PPARGC1A: variants seen among roughly 807,000 people sequenced by gnomAD.
The protein encoded by PPARGC1A is PPARG coactivator 1 alpha.
Under a neutral mutation model 88.7 loss-of-function variants are expected in PPARGC1A, and 25 were observed. The observed-to-expected ratio is 0.28, with a 90% CI of 0.21 to 0.39. PPARGC1A has a LOEUF of 0.39. PPARGC1A is among the 10% of genes least tolerant of loss of function. The pLI, the probability that PPARGC1A is intolerant of heterozygous loss-of-function variation, is 1.00. For synonymous variants in PPARGC1A, 363 were observed against 355.6 expected (o/e 1.02, Z -0.24); for missense variants, 880 against 968.7 (o/e 0.91, Z 1.22).
the PPARGC1A span, among the ~76,000 whole-genome samples, chr4:24,265,193 T>C: frequency 6.6e-6 from 1 of 152,224 alleles, no homozygotes; most frequent in Non-Finnish European, 1.5e-5. Context: ...TTGGTTCTGA[T>C]GTGGTCTAGT....
intron 4 of PPARGC1A, among the ~76,000 whole-genome samples, 179 bp downstream of exon 4, chr4:23,829,284 C>T: frequency 6.6e-6 from 1 of 152,208 alleles, no homozygotes; most frequent in East Asian, 1.9e-4. Flanking sequence ...TAAATGAACT[C>T]TGCCTAGTTT....
chr4:24,081,733 T>C, the PPARGC1A span, among the ~76,000 whole-genome samples: 6 of 151,108 alleles, frequency 4.0e-5, no homozygotes, highest in Non-Finnish European at 5.9e-5. Context: ...GGTGTTCATT[T>C]AAGAACACAA....
At chr4:23,926,176 C>T in the PPARGC1A span, among the ~76,000 whole-genome samples, 9 of 152,242 alleles carry the variant, frequency 5.9e-5, no homozygotes, top group South Asian at 1.9e-3. Context: ...GCCACCATGA[C>T]AGAATCTATG....
At chr4:24,324,162 C>T in the PPARGC1A span, among the ~76,000 whole-genome samples, 2 of 152,184 alleles carry the variant, frequency 1.3e-5, no homozygotes, top group African/African-American at 4.8e-5. Flanking sequence ...GGTCCTTCAC[C>T]CTTAGCGGCA....
At chr4:24,271,931 C>G in the PPARGC1A span, among the ~76,000 whole-genome samples, 2 of 152,078 alleles carry the variant, frequency 1.3e-5, no homozygotes, top group African/African-American at 2.4e-5. Flanking sequence ...TTATATTATA[C>G]TAACACTCAG....
chr4:23,916,998 A>G, the PPARGC1A span, among the ~76,000 whole-genome samples: 1 of 152,210 alleles, frequency 6.6e-6, no homozygotes, highest in South Asian at 2.1e-4. Flanking sequence ...ACTATTCCCA[A>G]GAGCCTGTTT....
intron 1 of PPARGC1A, chr4:23,889,454 A>T (rs375885350): frequency 1.2e-6 from 1 of 837,738 alleles, no homozygotes; most frequent in South Asian, 5.5e-5. Context: ...AGAGGGGGGA[A>T]AAATCCGGAC....
At chr4:24,380,323 T>G in the PPARGC1A span, among the ~76,000 whole-genome samples, 1 of 152,116 alleles carries the variant, frequency 6.6e-6, no homozygotes, top group African/African-American at 2.4e-5. Context: ...GAATCACATA[T>G]GCAGAGGCAC....
intron 2 of PPARGC1A, among the ~76,000 whole-genome samples, chr4:23,838,847 A>C (rs765815107): frequency 6.6e-6 from 1 of 152,284 alleles, no homozygotes; most frequent in Non-Finnish European, 1.5e-5. Flanking sequence ...ACAGAATCTA[A>C]TGCACATATA....
At chr4:23,833,267 G>T (rs533965738) in intron 2 of PPARGC1A, among the ~76,000 whole-genome samples, 1 of 152,196 alleles carries the variant, frequency 6.6e-6, no homozygotes, top group African/African-American at 2.4e-5. Context: ...TACCAACACT[G>T]GGCACATGGC....
the PPARGC1A span, among the ~76,000 whole-genome samples, chr4:24,192,196 C>T: frequency 6.8e-6 from 1 of 147,942 alleles, no homozygotes; most frequent in African/African-American, 2.7e-5. Context: ...AAGAACTATT[C>T]CCCATCCCAG....
the PPARGC1A span, among the ~76,000 whole-genome samples, chr4:24,144,410 G>A: frequency 0.015 from 2,282 of 152,202 alleles, 68 homozygotes; most frequent in African/African-American, 0.052. Context: ...GGAAATGCCT[G>A]CTTGATGGCT....
the PPARGC1A span, among the ~76,000 whole-genome samples, chr4:24,148,114 C>G: frequency 6.6e-6 from 1 of 152,296 alleles, no homozygotes; most frequent in East Asian, 1.9e-4. Context: ...CACCTAACAT[C>G]TGATCAGCTT....
the PPARGC1A span, among the ~76,000 whole-genome samples, chr4:23,929,249 GA>G: frequency 1.3e-5 from 2 of 152,172 alleles, no homozygotes; most frequent in Non-Finnish European, 1.5e-5. Flanking sequence ...GTCTATAAAG[GA>G]CGCTAAAGTA....
the PPARGC1A span, among the ~76,000 whole-genome samples, chr4:23,912,783 A>T: frequency 6.6e-6 from 1 of 150,844 alleles, no homozygotes; most frequent in African/African-American, 2.4e-5. Context: ...CAATCACATG[A>T]ACTAATTTCT....
upstream of PPARGC1A, among the ~76,000 whole-genome samples, chr4:23,904,525 T>C (rs1047873075): frequency 3.3e-5 from 5 of 152,218 alleles, no homozygotes; most frequent in Non-Finnish European, 7.3e-5. Flanking sequence ...TAGAAGACTC[T>C]GTTTTATGGC....
the PPARGC1A span, among the ~76,000 whole-genome samples, chr4:23,985,787 T>C: frequency 6.6e-6 from 1 of 152,096 alleles, no homozygotes; most frequent in Admixed American, 6.6e-5. Context: ...ATGGTTCTAA[T>C]TGGGGCTATT....
chr4:24,034,685 G>C, the PPARGC1A span, among the ~76,000 whole-genome samples: 1 of 152,162 alleles, frequency 6.6e-6, no homozygotes. Context: ...TAACATACTA[G>C]TGTGTCTCCA....
chr4:23,946,958 C>G, the PPARGC1A span, among the ~76,000 whole-genome samples: 1 of 151,972 alleles, frequency 6.6e-6, no homozygotes, highest in Non-Finnish European at 1.5e-5. Context: ...CCCACAGAGC[C>G]CAATCATGCA....
Sources: allele counts gnomAD v4.1 joint callset (sites outside exome capture counted in the v4.1 genomes callset), GRCh38; gene constraint gnomAD v4.1.1; transcripts MANE v1.5; gene names NCBI Gene and HGNC (gene_info 2026-07-23, HGNC 2026-07-21).